The following MBNL1 variants were observed in gnomAD, a reference collection of about 807,000 sequenced individuals.
MBNL1 encodes muscleblind-like protein 1.
In MBNL1, 8 loss-of-function variants were observed where a neutral mutation model predicts 42.2. The ratio of observed to expected loss-of-function variants is 0.19; its 90% CI spans 0.11 to 0.34. The LOEUF is 0.34. Ranked by LOEUF, MBNL1 falls within the 10% of genes least tolerant of loss-of-function variation. MBNL1 has a pLI of 1.00. For missense variants in MBNL1, 309 were observed against 495.3 expected, an observed-to-expected ratio of 0.62 and a Z score of 3.57; for synonymous variants, 169 against 173.9, an observed-to-expected ratio of 0.97 and a Z score of 0.22.
intron 6 of MBNL1, among the ~76,000 whole-genome samples, chr3:152,449,676 G>C (rs776550568): frequency 6.6e-6 from 1 of 152,114 alleles, no homozygotes; most frequent in Admixed American, 6.5e-5. Context: ...AATCAAACTT[G>C]TCTCTCTGTG....
At chr3:152,370,091 T>C (rs2096593373) in intron 2 of MBNL1, among the ~76,000 whole-genome samples, 1 of 152,168 alleles carries the variant, frequency 6.6e-6, no homozygotes, top group Non-Finnish European at 1.5e-5. Context: ...GTTCTTTTCA[T>C]TGTGATGGGG....
chr3:152,279,814 GTTGT>G (rs994062708), intron 1 of MBNL1, among the ~76,000 whole-genome samples: 1 of 152,044 alleles, frequency 6.6e-6, no homozygotes, highest in African/African-American at 2.4e-5. Flanking sequence ...ATAGATCATG[GTTGT>G]TTGATTATTT....
chr3:152,337,053 A>T (rs56306732), intron 2 of MBNL1, among the ~76,000 whole-genome samples: 1 of 152,058 alleles, frequency 6.6e-6, no homozygotes, highest in Non-Finnish European at 1.5e-5. Flanking sequence ...ACATATTAGG[A>T]ATTATTAAAG....
chr3:152,268,119 T>TG (rs2149596957), upstream of MBNL1: 1 of 152,476 alleles, frequency 6.6e-6, no homozygotes, highest in African/African-American at 2.4e-5. Context: ...TTACTTGCCG[T>TG]GGAATATCCC....
chr3:152,400,196 G>GA (rs1480620234), intron 2 of MBNL1, among the ~76,000 whole-genome samples: 2 of 152,198 alleles, frequency 1.3e-5, no homozygotes, highest in Non-Finnish European at 2.9e-5. Context: ...GGCCACTGAG[G>GA]AGAGGATTCT....
At chr3:152,442,332 A>C (rs2099155640) in intron 4 of MBNL1, among the ~76,000 whole-genome samples, 1 of 152,220 alleles carries the variant, frequency 6.6e-6, no homozygotes, top group African/African-American at 2.4e-5. Flanking sequence ...ATTATTTAGC[A>C]AAATGAGAAA....
intron 4 of MBNL1, among the ~76,000 whole-genome samples, chr3:152,443,567 C>T (rs748177689): frequency 1.3e-5 from 2 of 151,716 alleles, no homozygotes; most frequent in African/African-American, 4.8e-5. Context: ...TGATGAGCCT[C>T]ACATACAATA....
chr3:152,336,398 G>C (rs2090209409), intron 2 of MBNL1, among the ~76,000 whole-genome samples: 1 of 152,094 alleles, frequency 6.6e-6, no homozygotes, highest in East Asian at 1.9e-4. Flanking sequence ...AAAAAGGTCA[G>C]CCTCCATTTG....
rs766620882 is a variant in MBNL1, at chr3:152,340,609, A to G, written c.174+40242A>G. 2.5e-6 allele frequency: 4 copies of G among 1,613,966 alleles called. No homozygotes were observed. In the Admixed American group the frequency reaches 5.0e-5, roughly 20 times the overall value. On this transcript the variant is annotated intron_variant, in intron 2 of 9. Coordinates refer to ENST00000324210, the MANE Select transcript of MBNL1 (RefSeq NM_021038.5). ...ATACATACTTCCAAGTTTGGAAACT[A>G]TCAGCAGGCACCTGCAACTAAACCC...
chr3:152,368,461 T>C (rs2096525388), intron 2 of MBNL1, among the ~76,000 whole-genome samples: 1 of 152,234 alleles, frequency 6.6e-6, no homozygotes, highest in Non-Finnish European at 1.5e-5. Context: ...ACCAGCATTG[T>C]TCTTTTTGCT....
At chr3:152,351,545 G>T (rs949238247) in intron 2 of MBNL1, among the ~76,000 whole-genome samples, 1 of 152,142 alleles carries the variant, frequency 6.6e-6, no homozygotes, top group Non-Finnish European at 1.5e-5. Context: ...GAGTATATTT[G>T]TCAAATCCTG....
At chr3:152,383,411 T>G (rs2097267705) in intron 2 of MBNL1, among the ~76,000 whole-genome samples, 1 of 151,906 alleles carries the variant, frequency 6.6e-6, no homozygotes, top group Admixed American at 6.6e-5. Context: ...CTCACCACAG[T>G]TTAAGAGCTG....
intron 4 of MBNL1, among the ~76,000 whole-genome samples, chr3:152,435,050 T>C (rs960327086): frequency 1.3e-5 from 2 of 151,996 alleles, no homozygotes; most frequent in Non-Finnish European, 2.9e-5. Flanking sequence ...TAATTAGATA[T>C]CATTTTTCCA....
At chr3:152,368,223 G>C (rs1304219848) in intron 2 of MBNL1, among the ~76,000 whole-genome samples, 1 of 152,038 alleles carries the variant, frequency 6.6e-6, no homozygotes, top group Non-Finnish European at 1.5e-5. Context: ...TCAGTTTTCT[G>C]CATATGGCTA....
chr3:152,423,957 C>G (rs2098847671), intron 3 of MBNL1, among the ~76,000 whole-genome samples: 3 of 152,124 alleles, frequency 2.0e-5, no homozygotes, highest in Non-Finnish European at 4.4e-5. Context: ...TTATGACAAA[C>G]CCATAGCCAA....
intron 6 of MBNL1, among the ~76,000 whole-genome samples, 199 bp downstream of exon 6, chr3:152,447,972 T>G (rs1483266115): frequency 6.6e-6 from 1 of 152,250 alleles, no homozygotes; most frequent in African/African-American, 2.4e-5. Context: ...GAAATGTGGA[T>G]TAAAGATCAG....
At chr3:152,340,251 G>A (rs984638856) in intron 2 of MBNL1, 8 of 325,526 alleles carry the variant, frequency 2.5e-5, no homozygotes, top group African/African-American at 1.7e-4. Flanking sequence ...GAGCCCAGGA[G>A]GTCGAGGCTG....
At chr3:152,403,903 G>A (rs1359135655) in intron 2 of MBNL1, among the ~76,000 whole-genome samples, 3 of 152,118 alleles carry the variant, frequency 2.0e-5, no homozygotes, top group Admixed American at 6.5e-5. Context: ...GGAGGGGAGT[G>A]TTTTCTCCAT....
Position 152,268,987 on chromosome 3 carries a change from C to T in MBNL1, c.-895C>T. ...CCCACAATGCTCCCATGACAAGGAGCTGACAAGTTCCATTTTCCGTCGCGG... is the reference window on the plus strand; with the variant it reads ...CCCACAATGCTCCCATGACAAGGAGTTGACAAGTTCCATTTTCCGTCGCGG... On this transcript the variant is annotated 5_prime_UTR_variant, in exon 1 of 10. Coordinates refer to ENST00000324210, the MANE Select transcript of MBNL1 (RefSeq NM_021038.5). 1 of 456,278 alleles carries T rather than the reference C, an allele frequency of 2.2e-6. No homozygotes were observed. The highest frequency in any genetic ancestry group is 1.5e-5 in the South Asian group (1 of 64,574). 28.3% of individuals were successfully genotyped at this position (456,278 alleles called of 1,614,324 possible).
Sources: allele counts gnomAD v4.1 joint callset (sites outside exome capture counted in the v4.1 genomes callset), GRCh38; gene constraint gnomAD v4.1.1; transcripts MANE v1.5; gene names NCBI Gene and HGNC (gene_info 2026-07-23, HGNC 2026-07-21).